NDUFAF6: variants seen among roughly 807,000 people sequenced by gnomAD.
The protein encoded by NDUFAF6 is NADH:ubiquinone oxidoreductase complex assembly factor 6.
In NDUFAF6, 45 loss-of-function variants were observed where a neutral mutation model predicts 40.8. That is an observed-to-expected ratio of 1.10 (90% CI 0.87 to 1.42). The LOEUF is 1.42. NDUFAF6 is among the 40% of genes most tolerant of loss of function. The probability of loss-of-function intolerance (pLI) is 0.00; values close to 1 mark genes in which losing one functional copy is unlikely to be tolerated. For missense variants in NDUFAF6, 435 were observed against 418.5 expected (o/e 1.04, Z -0.34); for synonymous variants, 185 against 155.9 (o/e 1.19, Z -1.39).
intron 2 of NDUFAF6, among the ~76,000 whole-genome samples, chr8:95,101,914 A>T (rs746949630): frequency 6.6e-6 from 1 of 152,202 alleles, no homozygotes; most frequent in Non-Finnish European, 1.5e-5. Flanking sequence ...GTCACCTGCC[A>T]TCTGTGTCAT....
chr8:95,013,611 C>T (rs917782284), intron 2 of NDUFAF6, among the ~76,000 whole-genome samples: 4 of 152,180 alleles, frequency 2.6e-5, no homozygotes, highest in African/African-American at 9.7e-5. Flanking sequence ...ATATACTAGG[C>T]ACTGTTTTAA....
At chr8:95,010,924 T>C (rs1293389652) in intron 2 of NDUFAF6, among the ~76,000 whole-genome samples, 1 of 152,170 alleles carries the variant, frequency 6.6e-6, no homozygotes, top group Non-Finnish European at 1.5e-5. Flanking sequence ...CAATCAGACT[T>C]GATGAAGACT....
In NDUFAF6 at chr8:95,069,543, G is replaced by T. The variant is rs181057067; in HGVS notation, c.*512-6090G>T. Among the ~76,000 whole-genome samples the T allele has an allele frequency of 5.8e-3, 875 of 151,564 alleles. 19 individuals carry two copies. Among genetic ancestry groups the T allele is most frequent in the African/African-American group, 0.019 (769 of 41,028 alleles). On this transcript the variant is annotated intron_variant and NMD_transcript_variant, in intron 9 of 9. Coordinates refer to the NDUFAF6 transcript ENST00000520757. Reference sequence around the variant, plus strand: ...GCCTGTAATCACAGCACTTTGGGAGGCCAAGGTGGGAGGATTACCTGAGGT... The same window carrying T: ...GCCTGTAATCACAGCACTTTGGGAGTCCAAGGTGGGAGGATTACCTGAGGT...
chr8:94,932,938 C>G (rs1586699803), intron 1 of NDUFAF6, among the ~76,000 whole-genome samples: 1 of 152,266 alleles, frequency 6.6e-6, no homozygotes, highest in East Asian at 1.9e-4. Context: ...GCATTCTGGC[C>G]GAGCACAATG....
intron 2 of NDUFAF6, among the ~76,000 whole-genome samples, chr8:94,994,538 A>G: frequency 6.6e-6 from 1 of 151,832 alleles, no homozygotes; most frequent in Non-Finnish European, 1.5e-5. Flanking sequence ...TCAAAGGAAA[A>G]AAAAAAAAAA....
intron 1 of NDUFAF6, among the ~76,000 whole-genome samples, chr8:95,030,400 ATTTTT>A (rs984556434): frequency 4.6e-5 from 7 of 151,832 alleles, no homozygotes; most frequent in African/African-American, 1.7e-4. Context: ...TAATTTTTTT[ATTTTT>A]TAAGTTTTTT....
At chr8:94,994,999 G>C (rs924437944) in intron 2 of NDUFAF6, among the ~76,000 whole-genome samples, 27 of 152,124 alleles carry the variant, frequency 1.8e-4, no homozygotes, top group African/African-American at 6.0e-4. Context: ...ATATCCAAAG[G>C]GATTCAAAGC....
At chr8:95,088,591 A>C (rs1809128812) in intron 2 of NDUFAF6, among the ~76,000 whole-genome samples, 1 of 151,794 alleles carries the variant, frequency 6.6e-6, no homozygotes, top group Admixed American at 6.6e-5. Context: ...TGACATGTAC[A>C]CTGGAGATTA....
chr8:94,946,104 CTGTTTT>C (rs1821961778), intron 2 of NDUFAF6, among the ~76,000 whole-genome samples: 1 of 96,714 alleles, frequency 1.0e-5, no homozygotes, highest in South Asian at 4.5e-4. Flanking sequence ...GCCTTTTCTT[CTGTTTT>C]TTTTTTTCTT....
At chr8:94,949,349 G>A (rs981804440) in intron 2 of NDUFAF6, 1 of 151,042 alleles carries the variant, frequency 6.6e-6, no homozygotes, top group African/African-American at 2.4e-5. Context: ...GCCAGTCCAA[G>A]TCCTTTTGTT....
At chr8:95,006,708 C>T (rs570294250) in intron 2 of NDUFAF6, among the ~76,000 whole-genome samples, 45 of 151,982 alleles carry the variant, frequency 3.0e-4, no homozygotes, top group African/African-American at 1.0e-3. Context: ...GGTGAAACTC[C>T]GTCTCTACAA....
Position 95,058,120 on chromosome 8 carries a change from G to A in NDUFAF6, c.*183G>A, listed in dbSNP as rs1008776862. 2.1e-5 allele frequency: 30 copies of A among 1,445,738 alleles called. No individual in the cohort carries two copies. In the African/African-American group the frequency reaches 3.6e-4, roughly 17 times the overall value. The allele number at this position is 1,445,738 out of a possible 1,614,324, so 89.6% of individuals were successfully genotyped here. A position where few individuals can be genotyped will look rare whatever the true frequency, so the allele number is the denominator to read the frequency against. Reference sequence around the variant, plus strand: ...GGGTGCCAAGACTGCTGAGATTCTGGCAGAGGCACTGCCATTGGCACCCCT... The same window carrying A: ...GGGTGCCAAGACTGCTGAGATTCTGACAGAGGCACTGCCATTGGCACCCCT... On this transcript the variant is annotated 3_prime_UTR_variant, in exon 9 of 9. Transcript: ENST00000396124.
At chr8:94,904,320 C>CTTTTTTTTTTTTTTTTTTT (rs57749627) in intron 1 of NDUFAF6, among the ~76,000 whole-genome samples, 1 of 34,136 alleles carries the variant, frequency 2.9e-5, no homozygotes, top group Non-Finnish European at 5.0e-5. Context: ...ATTTTTTTTG[C>CTTTTTTTTTTTTTTTTTTT]TTTTTTTTTT....
chr8:95,093,599 C>T (rs1587267194), intron 2 of NDUFAF6, among the ~76,000 whole-genome samples: 3 of 152,184 alleles, frequency 2.0e-5, no homozygotes, highest in Non-Finnish European at 4.4e-5. Flanking sequence ...CTCCCTGTCC[C>T]CTTTTTGTCT....
At chr8:95,033,900 A>C (rs1357886190) in intron 2 of NDUFAF6, 2 of 400,494 alleles carry the variant, frequency 5.0e-6, no homozygotes, top group Non-Finnish European at 1.0e-5. Context: ...CTGGGTCAGA[A>C]AGGTAAGGTC....
upstream of NDUFAF6, chr8:95,023,190 C>T (rs1341051322): frequency 1.3e-5 from 2 of 152,148 alleles, no homozygotes; most frequent in African/African-American, 2.4e-5. Flanking sequence ...TTCCCAGAAG[C>T]ACCACAGTGG....
At chr8:95,114,683 G>C (rs948207888) in intron 4 of NDUFAF6, among the ~76,000 whole-genome samples, 1 of 152,048 alleles carries the variant, frequency 6.6e-6, no homozygotes, top group Non-Finnish European at 1.5e-5. Context: ...CATTCACCCG[G>C]TATATACAGG....
At chr8:94,987,135 A>G (rs1298791302) in intron 2 of NDUFAF6, among the ~76,000 whole-genome samples, 1 of 152,222 alleles carries the variant, frequency 6.6e-6, no homozygotes, top group Non-Finnish European at 1.5e-5. Context: ...TTCAGTGTTT[A>G]TCATTCCCAT....
chr8:94,962,536 G>T (rs1185803628), intron 1 of NDUFAF6, among the ~76,000 whole-genome samples: 1 of 151,808 alleles, frequency 6.6e-6, no homozygotes, highest in Non-Finnish European at 1.5e-5. Flanking sequence ...CAAGTAATTC[G>T]ACTGCCTTGA....
Sources: allele counts gnomAD v4.1 joint callset (sites outside exome capture counted in the v4.1 genomes callset), GRCh38; gene constraint gnomAD v4.1.1; transcripts MANE v1.5; gene names NCBI Gene and HGNC (gene_info 2026-07-23, HGNC 2026-07-21).